The following KIAA1958 variants were observed in gnomAD, a reference collection of about 807,000 sequenced individuals.
KIAA1958 encodes uncharacterized protein KIAA1958.
KIAA1958 carries 14 observed loss-of-function variants against 47.2 expected under a neutral mutation model. The ratio of observed to expected loss-of-function variants is 0.30; its 90% CI spans 0.20 to 0.46. KIAA1958 has a LOEUF of 0.46. KIAA1958 is among the 20% of genes least tolerant of loss of function. The pLI is 1.00. For synonymous variants in KIAA1958, 354 were observed against 353.3 expected (o/e 1.00, Z -0.02); for missense variants, 803 against 909.2 (o/e 0.88, Z 1.50).
chr9:112,565,120 C>T (rs371356765), intron 1 of KIAA1958, among the ~76,000 whole-genome samples: 14 of 152,212 alleles, frequency 9.2e-5, no homozygotes, highest in Middle Eastern at 3.4e-3. Context: ...AAGGCTGATT[C>T]GATATTTAAT....
rs112802654 is a variant in KIAA1958, at chr9:112,649,161, AT to A, written c.1344+3351del. Among the ~76,000 whole-genome samples, 481 of 147,986 alleles carry A rather than the reference AT, an allele frequency of 3.3e-3. 1 individual carries two copies. The highest frequency in any genetic ancestry group is 6.8e-3 in the African/African-American group (275 of 40,520). The stretch of plus-strand genomic sequence containing the variant: ...AAATGAAACACCGAAAGAAAAGAGA[AT>A]TTTTTTTTTTTATTTTGAGACAGAA... On this transcript the variant is annotated intron_variant, in intron 3 of 3. Coordinates refer to ENST00000337530, the MANE Select transcript of KIAA1958 (RefSeq NM_133465.4).
intron 2 of KIAA1958, among the ~76,000 whole-genome samples, chr9:112,595,252 T>A (rs1588033049): frequency 6.6e-6 from 1 of 152,236 alleles, no homozygotes; most frequent in East Asian, 1.9e-4. Context: ...GACGAAGCTA[T>A]AGCACTGAGT....
At chr9:112,504,140 A>G (rs980415355) in intron 1 of KIAA1958, among the ~76,000 whole-genome samples, 1 of 151,368 alleles carries the variant, frequency 6.6e-6, no homozygotes, top group Non-Finnish European at 1.5e-5. Flanking sequence ...TTTTTTAATT[A>G]TGTATTAATC....
At chr9:112,640,416 T>A (rs1312585740) in intron 2 of KIAA1958, among the ~76,000 whole-genome samples, 1 of 152,160 alleles carries the variant, frequency 6.6e-6, no homozygotes, top group African/African-American at 2.4e-5. Flanking sequence ...GTATCGTTTC[T>A]CCATATGTGG....
At position 112,662,866 on chromosome 9, in the gene KIAA1958, G is replaced by A. The variant is rs1246662759; in HGVS notation, c.*2797G>A. 6.6e-6 allele frequency: 1 copy of A among 152,244 alleles called. No homozygotes were observed. The highest frequency in any genetic ancestry group is 1.5e-5 in the Non-Finnish European group (1 of 68,116). The allele number at this position is 152,244 out of a possible 1,614,324, so 9.4% of individuals were successfully genotyped here. ...AAAGCCGTCCTCCGAGGTCTTAAGG[G>A]GGCCAGAGTAGCAGTCCTCGTTGGC... On this transcript the variant is annotated 3_prime_UTR_variant, in exon 4 of 4. Coordinates refer to ENST00000337530, the MANE Select transcript of KIAA1958 (RefSeq NM_133465.4).
At chr9:112,573,006 A>G (rs1835565691) in intron 1 of KIAA1958, among the ~76,000 whole-genome samples, 2 of 152,062 alleles carry the variant, frequency 1.3e-5, no homozygotes, top group African/African-American at 4.8e-5. Flanking sequence ...AGGGCCGACA[A>G]AATCACACAT....
chr9:112,650,233 C>G (rs1837034671), intron 3 of KIAA1958, among the ~76,000 whole-genome samples: 1 of 151,604 alleles, frequency 6.6e-6, no homozygotes, highest in South Asian at 2.1e-4. Flanking sequence ...CACTAAAAGA[C>G]CTACACAACA....
rs1302081696 is a variant in KIAA1958, at chr9:112,668,605, T to G, written c.*8536T>G. On this transcript the variant is annotated 3_prime_UTR_variant, in exon 4 of 4. Transcript: ENST00000337530. ...GTATCGTCAGCTCTGATGCTCAGTT[T>G]CTTCCTGGCAATAGAATGGTTTTAT... 3 of 152,232 alleles carry G rather than the reference T, an allele frequency of 2.0e-5. No homozygotes were observed. Among genetic ancestry groups the G allele is most frequent in the Non-Finnish European group, 4.4e-5 (3 of 68,042 alleles). The allele number at this position is 152,232 out of a possible 1,614,324, so 9.4% of individuals were successfully genotyped here. A position where few individuals can be genotyped will look rare whatever the true frequency, so the allele number is the denominator to read the frequency against.
At chr9:112,657,562 G>A (rs570313834) in intron 3 of KIAA1958, among the ~76,000 whole-genome samples, 251 of 151,668 alleles carry the variant, frequency 1.7e-3, no homozygotes, top group Non-Finnish European at 1.8e-3. Context: ...TTTTCGGTTC[G>A]GTTAATTTTT....
At chr9:112,607,874 C>A (rs143268123) in intron 2 of KIAA1958, among the ~76,000 whole-genome samples, 2 of 152,008 alleles carry the variant, frequency 1.3e-5, no homozygotes, top group Non-Finnish European at 1.5e-5. Flanking sequence ...CACTAATGTT[C>A]GGGCTTGGGG....
At chr9:112,533,064 A>G (rs1172614707) in intron 1 of KIAA1958, among the ~76,000 whole-genome samples, 3 of 152,230 alleles carry the variant, frequency 2.0e-5, no homozygotes, top group African/African-American at 7.2e-5. Context: ...TCCTCCCCCC[A>G]AATTTAAGTA....
Position 112,665,371 on chromosome 9 carries a change from T to A in KIAA1958, c.*5302T>A, listed in dbSNP as rs966326802. The A allele has an allele frequency of 2.6e-5, 4 of 152,246 alleles. No homozygotes were observed. The highest frequency in any genetic ancestry group is 5.9e-5 in the Non-Finnish European group (4 of 68,046). The allele number at this position is 152,246 out of a possible 1,614,324, so 9.4% of individuals were successfully genotyped here. On this transcript the variant is annotated 3_prime_UTR_variant, in exon 4 of 4. Transcript: ENST00000337530. ...ATTCTCATGTAATCTTTACAACCGC[T>A]CTACAAGGTATGTCTAATTATTTCC...
intron 1 of KIAA1958, among the ~76,000 whole-genome samples, chr9:112,550,514 A>G (rs945614826): frequency 1.3e-5 from 2 of 152,182 alleles, no homozygotes; most frequent in African/African-American, 4.8e-5. Flanking sequence ...GTGATTCACT[A>G]AAAGGACTCA....
At chr9:112,567,959 C>CAAAAAAAAAAAAAAA (rs35931681) in intron 1 of KIAA1958, among the ~76,000 whole-genome samples, 1 of 66,180 alleles carries the variant, frequency 1.5e-5, no homozygotes, top group Non-Finnish European at 2.7e-5. Flanking sequence ...GAATCCATCT[C>CAAAAAAAAAAAAAAA]AAAAAAAAAA....
intron 2 of KIAA1958, among the ~76,000 whole-genome samples, chr9:112,628,738 A>G (rs1405971037): frequency 6.6e-6 from 1 of 152,092 alleles, no homozygotes; most frequent in African/African-American, 2.4e-5. Flanking sequence ...TGTCCTGAGG[A>G]CTTTTTGCCT....
chr9:112,653,300 G>A (rs985866071), intron 3 of KIAA1958, among the ~76,000 whole-genome samples: 5 of 152,186 alleles, frequency 3.3e-5, no homozygotes, highest in African/African-American at 9.7e-5. Flanking sequence ...CTGGAAAATA[G>A]AGTACAAAGG....
chr9:112,531,114 C>T (rs545444151), intron 1 of KIAA1958, among the ~76,000 whole-genome samples: 18 of 152,194 alleles, frequency 1.2e-4, no homozygotes, highest in African/African-American at 3.9e-4. Context: ...AAATGTCAGG[C>T]GCTGTGGCTC....
intron 1 of KIAA1958, among the ~76,000 whole-genome samples, chr9:112,545,903 G>C (rs1048003349): frequency 3.6e-5 from 5 of 139,846 alleles, no homozygotes; most frequent in Admixed American, 7.6e-5. Context: ...TATTGATTTG[G>C]ATATTATTGA....
chr9:112,529,786 G>A (rs938253242), intron 1 of KIAA1958, among the ~76,000 whole-genome samples: 4 of 152,050 alleles, frequency 2.6e-5, no homozygotes, highest in Non-Finnish European at 2.9e-5. Flanking sequence ...TACTTTTTGG[G>A]AGGAAGTCAC....
Sources: allele counts gnomAD v4.1 joint callset (sites outside exome capture counted in the v4.1 genomes callset), GRCh38; gene constraint gnomAD v4.1.1; transcripts MANE v1.5; gene names NCBI Gene and HGNC (gene_info 2026-07-23, HGNC 2026-07-21).